Variants in COL11A1 observed in about 807,000 individuals in gnomAD.
The protein encoded by COL11A1 is collagen type XI alpha 1 chain, also known as collagen alpha-1(XI) chain.
A neutral mutation model predicts 265.2 loss-of-function variants in COL11A1; 74 were observed. That is an observed-to-expected ratio of 0.28 (90% CI 0.23 to 0.34). COL11A1 has a LOEUF of 0.34. Among genes scored for constraint, COL11A1 ranks in the 10% least tolerant of loss-of-function variants. The pLI is 1.00. For synonymous variants in COL11A1, 816 were observed against 727.6 expected (o/e 1.12, Z -1.96); for missense variants, 2,165 against 2,263.6 (o/e 0.96, Z 0.88).
intron 1 of COL11A1, among the ~76,000 whole-genome samples, chr1:103,098,591 T>C (rs1313263396): frequency 6.6e-6 from 1 of 151,924 alleles, no homozygotes; most frequent in African/African-American, 2.4e-5. Context: ...AAATATTTAC[T>C]GGCTATCTAT....
chr1:103,105,093 T>TG (rs1674588570), intron 1 of COL11A1, among the ~76,000 whole-genome samples: 1 of 151,960 alleles, frequency 6.6e-6, no homozygotes, highest in Admixed American at 6.6e-5. Context: ...TTTTTTTTTT[T>TG]AGTGCTTCAT....
At chr1:103,034,551 C>G (rs1409737783) in intron 4 of COL11A1, among the ~76,000 whole-genome samples, 1 of 151,916 alleles carries the variant, frequency 6.6e-6, no homozygotes, top group African/African-American at 2.4e-5. Flanking sequence ...TAGTATATAT[C>G]TTTATTGCTA....
chr1:103,106,384 G>A (rs1052092087), intron 1 of COL11A1, among the ~76,000 whole-genome samples: 3 of 152,088 alleles, frequency 2.0e-5, no homozygotes, highest in Non-Finnish European at 4.4e-5. Flanking sequence ...TGCTGAAAAA[G>A]AAATGGCATA....
At chr1:103,090,405 G>A (rs372883191) in intron 1 of COL11A1, among the ~76,000 whole-genome samples, 1 of 152,102 alleles carries the variant, frequency 6.6e-6, no homozygotes, top group African/African-American at 2.4e-5. Flanking sequence ...GAAAAGGATA[G>A]AAAATTGATT....
At chr1:102,968,724 A>C (rs921052741) in intron 37 of COL11A1, among the ~76,000 whole-genome samples, 1 of 152,168 alleles carries the variant, frequency 6.6e-6, no homozygotes, top group South Asian at 2.1e-4. Flanking sequence ...CGGGAATATA[A>C]TTTTTTCAGA....
intron 46 of COL11A1, among the ~76,000 whole-genome samples, chr1:102,923,896 C>A (rs886677530): frequency 6.6e-6 from 1 of 151,730 alleles, no homozygotes; most frequent in South Asian, 2.1e-4. Flanking sequence ...CCCATGAAAC[C>A]TACTATATTA....
At chr1:103,064,835 TA>T (rs34232422) in intron 4 of COL11A1, among the ~76,000 whole-genome samples, 9,367 of 136,454 alleles carry the variant, frequency 0.069, 621 homozygotes, top group African/African-American at 0.17. Flanking sequence ...ATAGAGGCAG[TA>T]AAAAAAAAAA....
intron 46 of COL11A1, among the ~76,000 whole-genome samples, chr1:102,928,252 C>G (rs1055079590): frequency 6.7e-6 from 1 of 150,260 alleles, no homozygotes; most frequent in African/African-American, 2.4e-5. Flanking sequence ...CCTCCCCTCT[C>G]CCCCCACCCC....
At chr1:102,979,269 T>C in intron 32 of COL11A1, 113 bp downstream of exon 32, 1 of 1,221,586 alleles carries the variant, frequency 8.2e-7, no homozygotes, top group Middle Eastern at 1.9e-4. Flanking sequence ...AACTCCGGGA[T>C]TCAAGCAATC....
rs147901097 is a variant in COL11A1, at chr1:103,066,661, C to T, written c.651+7957G>A. 2.2e-3 allele frequency among the ~76,000 whole-genome samples: 335 copies of T among 151,166 alleles called. 2 individuals are homozygous for T. The highest frequency in any genetic ancestry group is 2.8e-3 in the Non-Finnish European group (188 of 67,754). Reference sequence around the variant, plus strand: ...TAAGATGCAGACTTAAATCCAGCCACATCAATAACAAATCAATGACATTTA... The same window carrying T: ...TAAGATGCAGACTTAAATCCAGCCATATCAATAACAAATCAATGACATTTA... On this transcript the variant is annotated intron_variant, in intron 4 of 66. Coordinates refer to ENST00000370096, the MANE Select transcript of COL11A1 (RefSeq NM_001854.4).
chr1:103,000,716 A>G (rs1570991392), intron 24 of COL11A1, among the ~76,000 whole-genome samples: 1 of 152,044 alleles, frequency 6.6e-6, no homozygotes, highest in East Asian at 1.9e-4. Context: ...AATATTGAAT[A>G]TAAGTTTACC....
intron 7 of COL11A1, among the ~76,000 whole-genome samples, chr1:103,025,319 AC>A (rs1452482648): frequency 6.6e-6 from 1 of 152,220 alleles, no homozygotes; most frequent in African/African-American, 2.4e-5. Context: ...GCAAAGAGTC[AC>A]GCAAAACCTG....
intron 30 of COL11A1, among the ~76,000 whole-genome samples, chr1:102,986,085 G>C (rs993102347): frequency 5.3e-5 from 8 of 151,916 alleles, no homozygotes; most frequent in Non-Finnish European, 7.4e-5. Context: ...GAGATAGAAC[G>C]GTGGGGGCTT....
chr1:102,946,993 A>G (rs1329248544), intron 41 of COL11A1, 37 bp from the exon 42 acceptor site: 1 of 1,493,258 alleles, frequency 6.7e-7, no homozygotes, highest in East Asian at 2.3e-5. Flanking sequence ...GTTATTAAAG[A>G]AAGTAATACT....
At position 103,082,980 on chromosome 1, in the gene COL11A1, A is replaced by T. The variant is rs1029539954; in HGVS notation, c.107-8T>A. On this transcript the variant is annotated splice_region_variant and splice_polypyrimidine_tract_variant and intron_variant, in intron 1 of 66. Coordinates refer to ENST00000370096, the MANE Select transcript of COL11A1 (RefSeq NM_001854.4). ...GTACATCAACTGGAGCAGCTGAAAA[A>T]TAAGCAAACAATAAAAAACCAGAAT... 1 of 1,612,334 alleles carries T rather than the reference A, an allele frequency of 6.2e-7. No homozygotes were observed. The highest frequency in any genetic ancestry group is 2.2e-5 in the East Asian group (1 of 44,768).
rs201893127 is a variant in COL11A1, at chr1:102,889,871, CTATAA to C, written c.4357-314_4357-310del. Among the ~76,000 whole-genome samples, 1,796 of 152,072 alleles carry C rather than the reference CTATAA, an allele frequency of 0.012. 38 individuals are homozygous for C. The highest frequency in any genetic ancestry group is 0.041 in the African/African-American group (1,705 of 41,496). ...GAATCTCTAAACCAATAATGATCTC[CTATAA>C]TATAAGTTGAATAAATAACAGAAAA... On this transcript the variant is annotated intron_variant, in intron 58 of 66. Coordinates refer to ENST00000370096, the MANE Select transcript of COL11A1 (RefSeq NM_001854.4).
At chr1:102,970,517 C>T (rs1239817960) in intron 36 of COL11A1, among the ~76,000 whole-genome samples, 1 of 152,098 alleles carries the variant, frequency 6.6e-6, no homozygotes, top group African/African-American at 2.4e-5. Context: ...AAATATATTT[C>T]ATTTGCATCA....
intron 1 of COL11A1, among the ~76,000 whole-genome samples, chr1:103,092,339 T>G (rs1673390537): frequency 6.6e-6 from 1 of 151,952 alleles, no homozygotes; most frequent in African/African-American, 2.4e-5. Context: ...ATCAAAAACA[T>G]TAAGAAAAAG....
intron 57 of COL11A1, among the ~76,000 whole-genome samples, chr1:102,891,897 A>C (rs1309770655): frequency 2.0e-5 from 3 of 152,060 alleles, no homozygotes; most frequent in African/African-American, 7.2e-5. Context: ...GAAAGTAAAC[A>C]AAACAAAACA....
Sources: allele counts gnomAD v4.1 joint callset (sites outside exome capture counted in the v4.1 genomes callset), GRCh38; gene constraint gnomAD v4.1.1; transcripts MANE v1.5; gene names NCBI Gene and HGNC (gene_info 2026-07-23, HGNC 2026-07-21).